The following SRGAP3 variants were observed in gnomAD, a reference collection of about 807,000 sequenced individuals.
SRGAP3 encodes SLIT-ROBO Rho GTPase activating protein 3, also known as SLIT-ROBO Rho GTPase-activating protein 3.
Under a neutral mutation model 121.1 loss-of-function variants are expected in SRGAP3, and 39 were observed. The observed-to-expected ratio is 0.32, with a 90% CI of 0.25 to 0.42. The LOEUF is 0.42. SRGAP3 is among the 10% of genes least tolerant of loss of function. SRGAP3 has a pLI of 1.00. For synonymous variants in SRGAP3, 601 were observed against 570.0 expected, an observed-to-expected ratio of 1.05 and a Z score of -0.77; for missense variants, 1,213 against 1,470.6, an observed-to-expected ratio of 0.82 and a Z score of 2.86.
chr3:8,985,495 C>A lies in SRGAP3; in HGVS notation c.*24G>T. 1 of 1,597,558 alleles carries A rather than the reference C, an allele frequency of 6.3e-7. No individual in the cohort carries two copies. The highest frequency in any genetic ancestry group is 8.5e-7 in the Non-Finnish European group (1 of 1,179,014). On this transcript the variant is annotated 3_prime_UTR_variant, in exon 22 of 22. Coordinates refer to ENST00000383836, the MANE Select transcript of SRGAP3 (RefSeq NM_014850.4). This position sits in a 1 kb window ranked among gnomAD's most constrained non-coding sequence, Gnocchi z 5.1. Reference sequence around the variant, plus strand: ...GGCCGTGGTGAGCCACAGCGGGCCACGGCGGCGCGGCCCATCCTGCAGGTC... The same window carrying A: ...GGCCGTGGTGAGCCACAGCGGGCCAAGGCGGCGCGGCCCATCCTGCAGGTC...
intron 1 of SRGAP3, among the ~76,000 whole-genome samples, chr3:9,232,267 A>C (rs1179077885): frequency 6.6e-6 from 1 of 152,206 alleles, no homozygotes; most frequent in African/African-American, 2.4e-5. Flanking sequence ...TTTGCCAACA[A>C]AGTCCTTACT....
chr3:9,036,273 A>G (rs370598440), intron 11 of SRGAP3: 1 of 152,252 alleles, frequency 6.6e-6, no homozygotes, highest in South Asian at 2.1e-4. Context: ...GTGGGAGTCC[A>G]TGGAAGATAC....
intron 3 of SRGAP3, among the ~76,000 whole-genome samples, chr3:9,267,546 A>G (rs1954389998): frequency 6.6e-6 from 1 of 152,174 alleles, no homozygotes; most frequent in Non-Finnish European, 1.5e-5. Flanking sequence ...GTTTGTTCCC[A>G]AGGATGTGAA....
In SRGAP3 at chr3:8,982,082, A is replaced by G. The variant is rs1210802977; in HGVS notation, c.*3437T>C. Reference sequence around the variant, plus strand: ...GGGTAGGAAGCACAGCTTGTTCTCAATTTTATCCAAAAAGCTCTTTAGTGG... The same window carrying G: ...GGGTAGGAAGCACAGCTTGTTCTCAGTTTTATCCAAAAAGCTCTTTAGTGG... On this transcript the variant is annotated 3_prime_UTR_variant, in exon 22 of 22. Transcript: ENST00000383836. 2 of 226,258 alleles carry G rather than the reference A, an allele frequency of 8.8e-6. No homozygotes were observed. The highest frequency in any genetic ancestry group is 1.8e-5 in the Non-Finnish European group (2 of 113,538). 14.0% of individuals were successfully genotyped at this position (226,258 alleles called of 1,614,324 possible). A position where few individuals can be genotyped will look rare whatever the true frequency, so the allele number is the denominator to read the frequency against.
chr3:9,299,882 GCGA>G (rs1955020963), intron 3 of SRGAP3, among the ~76,000 whole-genome samples: 1 of 152,034 alleles, frequency 6.6e-6, no homozygotes, highest in Non-Finnish European at 1.5e-5. Context: ...TCTAGCCTGG[GCGA>G]CAGAGTGAGA....
chr3:9,159,368 G>T (rs924427641), intron 1 of SRGAP3, among the ~76,000 whole-genome samples: 4 of 152,124 alleles, frequency 2.6e-5, no homozygotes, highest in African/African-American at 9.7e-5. Flanking sequence ...CCCCCGGCCA[G>T]CTCGCCTGGC....
At chr3:9,302,628 C>T (rs1012299202) in intron 3 of SRGAP3, among the ~76,000 whole-genome samples, 23 of 152,200 alleles carry the variant, frequency 1.5e-4, no homozygotes, top group African/African-American at 5.3e-4. Flanking sequence ...TTATTTCTCT[C>T]CCTCTAAAAT....
At chr3:9,297,623 C>T (rs568054294) in intron 3 of SRGAP3, among the ~76,000 whole-genome samples, 12 of 151,976 alleles carry the variant, frequency 7.9e-5, no homozygotes, top group African/African-American at 2.9e-4. Flanking sequence ...GGGCCAGGCA[C>T]GGTGACCCAC....
intron 2 of SRGAP3, among the ~76,000 whole-genome samples, chr3:9,106,724 C>G (rs980955092): frequency 6.6e-6 from 1 of 152,158 alleles, no homozygotes; most frequent in African/African-American, 2.4e-5. Context: ...CACCTCCCAC[C>G]ATGATTCTGA....
Position 8,983,489 on chromosome 3 carries a change from A to T in SRGAP3, c.*2030T>A. On this transcript the variant is annotated 3_prime_UTR_variant, in exon 22 of 22. Transcript: ENST00000383836. Reference sequence around the variant, plus strand: ...TTATCTAGGTGCCAGTGACTTAACTAGGTCCCTCCCTTTGGGTGTATTTAC... The same window carrying T: ...TTATCTAGGTGCCAGTGACTTAACTTGGTCCCTCCCTTTGGGTGTATTTAC... 4.4e-6 allele frequency: 1 copy of T among 229,868 alleles called. No homozygotes were observed. The allele number at this position is 229,868 out of a possible 1,614,324, so 14.2% of individuals were successfully genotyped here.
chr3:9,047,927 C>A (rs576762793), intron 9 of SRGAP3, among the ~76,000 whole-genome samples: 1 of 152,250 alleles, frequency 6.6e-6, no homozygotes, highest in Non-Finnish European at 1.5e-5. Context: ...AGCCTCGGAA[C>A]GAGTCTTCCT....
At chr3:9,116,350 A>C (rs903311701) in intron 2 of SRGAP3, among the ~76,000 whole-genome samples, 1 of 152,262 alleles carries the variant, frequency 6.6e-6, no homozygotes, top group African/African-American at 2.4e-5. Context: ...TGTCTTGGTT[A>C]ATTCAGCCAT....
Position 8,994,510 on chromosome 3 carries a change from G to C in SRGAP3, c.2241C>G (p.Ile747Met). ...TGTAGTCAAACTTGGCAATAGCCTCGATCTGCTCCACTTCTGGAAGGAAAT... is the reference window on the plus strand; with the variant it reads ...TGTAGTCAAACTTGGCAATAGCCTCCATCTGCTCCACTTCTGGAAGGAAAT... ...PHTSDEEVEQ[I>M]EAIAKFDYMG... The change falls in exon 19 of 22, where the codon ATC (isoleucine) becomes ATG (methionine). Residue 747 changes from isoleucine to methionine, a missense_variant. Physicochemically the swap from Ile to Met is conservative, Grantham distance 10. Around this residue, in one of 2 missense-constraint regions of SRGAP3, gnomAD observed 793 missense variants for 1,032.9 expected, o/e 0.77. Transcript: ENST00000383836. 4 of 1,613,752 alleles carry C rather than the reference G, an allele frequency of 2.5e-6. No individual in the cohort carries two copies. Among genetic ancestry groups the C allele is most frequent in the South Asian group, 2.2e-5 (2 of 91,074 alleles).
intron 1 of SRGAP3, among the ~76,000 whole-genome samples, chr3:9,224,008 C>T (rs573097069): frequency 6.6e-6 from 1 of 152,270 alleles, no homozygotes; most frequent in African/African-American, 2.4e-5. Context: ...TTGTGCAATG[C>T]CATTTCACAA....
Position 9,149,718 on chromosome 3 carries a change from T to C in SRGAP3, c.68-24801A>G, listed in dbSNP as rs539544456. ...AAACAGCCAACCTCAGACATGCAAGTAATCCCAGCCAAGTTCAACAGAACT... is the reference window on the plus strand; with the variant it reads ...AAACAGCCAACCTCAGACATGCAAGCAATCCCAGCCAAGTTCAACAGAACT... On this transcript the variant is annotated intron_variant, in intron 1 of 21. Transcript: ENST00000383836. Among the ~76,000 whole-genome samples, 3 of 152,326 alleles carry C rather than the reference T, an allele frequency of 2.0e-5. No individual in the cohort carries two copies. In the South Asian group the frequency reaches 6.2e-4, roughly 32 times the overall value.
chr3:9,171,880 T>C (rs983503226), intron 1 of SRGAP3, among the ~76,000 whole-genome samples: 1 of 151,530 alleles, frequency 6.6e-6, no homozygotes, highest in Non-Finnish European at 1.5e-5. Context: ...GTCGGTGGGG[T>C]TGGTTCCTTC....
At chr3:9,203,884 G>A (rs1952165039) in intron 1 of SRGAP3, among the ~76,000 whole-genome samples, 1 of 152,198 alleles carries the variant, frequency 6.6e-6, no homozygotes, top group South Asian at 2.1e-4. Flanking sequence ...TTGTAGAGTA[G>A]GCAGGGCAGG....
intron 3 of SRGAP3, among the ~76,000 whole-genome samples, chr3:9,261,106 G>C (rs150020786): frequency 0.02 from 3,121 of 152,284 alleles, 55 homozygotes; most frequent in Middle Eastern, 0.051. Flanking sequence ...CTGCAGAAGA[G>C]GGGCCTGTTA....
intron 1 of SRGAP3, among the ~76,000 whole-genome samples, chr3:9,128,985 T>C (rs1373461670): frequency 6.6e-6 from 1 of 152,222 alleles, no homozygotes; most frequent in Non-Finnish European, 1.5e-5. Context: ...GGGACACTGA[T>C]AAAAATTAAC....
Sources: gnomAD v4.1 joint callset for allele counts (sites outside exome capture counted in the v4.1 genomes callset) on GRCh38, gnomAD v4.1.1 for gene constraint, gnomAD v4.1.1 regional missense constraint, Gnocchi (gnomAD v3.1) non-coding constraint, MANE v1.5 for transcripts, NCBI Gene and HGNC (gene_info 2026-07-23, HGNC 2026-07-21) for gene names.